Variants in RRP12 observed in about 807,000 individuals in gnomAD.
RRP12 encodes RRP12-like protein.
A neutral mutation model predicts 157.3 loss-of-function variants in RRP12; 78 were observed. That is an observed-to-expected ratio of 0.50 (90% CI 0.41 to 0.60). The LOEUF (loss-of-function observed/expected upper bound fraction) is 0.60. RRP12 is among the 20% of genes least tolerant of loss of function. The pLI is 0.00. For missense variants in RRP12, 1,521 were observed against 1,679.9 expected (o/e 0.91, Z 1.65); for synonymous variants, 726 against 670.9 (o/e 1.08, Z -1.27).
At position 97,372,147 on chromosome 10, in the gene RRP12, C is replaced by T. The variant is rs778139940; in HGVS notation, c.2269G>A (p.Val757Ile). 10 of 1,613,604 alleles carry T rather than the reference C, an allele frequency of 6.2e-6. No homozygotes were observed. The highest frequency in any genetic ancestry group is 6.8e-6 in the Non-Finnish European group (8 of 1,179,854). Reference protein sequence around the residue: ...DFTRLSVLDLVVALAPCADEA... With the variant: ...DFTRLSVLDLIVALAPCADEA... ...TCAGCACACGGAGCCAAGGCCACGA[C>T]CAGGTCCAGGACAGACAATCTGCTC... Residue 757 changes from valine (V) to isoleucine (I), a missense_variant, in exon 20 of 34, where the codon GTC becomes ATC. Val to Ile is a conservative substitution (Grantham distance 29). Coordinates refer to ENST00000370992, the MANE Select transcript of RRP12 (RefSeq NM_015179.4).
chr10:97,393,367 A>G, intron 4 of RRP12: 1 of 514,930 alleles, frequency 1.9e-6, no homozygotes, highest in South Asian at 1.5e-5. Flanking sequence ...TAACAACTTT[A>G]GATCTCACAG....
intron 8 of RRP12, among the ~76,000 whole-genome samples, chr10:97,387,663 G>A (rs148610523): frequency 8.6e-5 from 13 of 151,492 alleles, no homozygotes; most frequent in African/African-American, 2.2e-4. Flanking sequence ...AAACTCGACC[G>A]GGCGCAGTGG....
At chr10:97,372,557 C>A (rs1177066491) in intron 19 of RRP12, among the ~76,000 whole-genome samples, 179 bp downstream of exon 19, 1 of 152,166 alleles carries the variant, frequency 6.6e-6, no homozygotes, top group Non-Finnish European at 1.5e-5. Context: ...CCCTACCAGA[C>A]TAAATGGCCT....
chr10:97,393,061 G>A (rs1212161444), intron 4 of RRP12: 4 of 250,900 alleles, frequency 1.6e-5, no homozygotes, highest in Non-Finnish European at 3.2e-5. Context: ...ATTTTTAGTA[G>A]AGGCGGGGTT....
chr10:97,394,538 C>G (rs1028180031), intron 3 of RRP12, among the ~76,000 whole-genome samples: 2 of 151,988 alleles, frequency 1.3e-5, no homozygotes, highest in African/African-American at 2.4e-5. Context: ...TACAGGCATG[C>G]GCCACAAAGC....
rs765241723 is a variant in RRP12, at chr10:97,358,523, G to A, written c.3791+14C>T. ...CATCCTCCAGCCCCCAGCCTGCCTG[G>A]CACAGCGTCATACCTGCGGTTGAGC... On this transcript the variant is annotated intron_variant, in intron 33 of 33. Transcript: ENST00000370992. 1.2e-6 allele frequency: 2 copies of A among 1,606,104 alleles called. No homozygotes were observed. The highest frequency in any genetic ancestry group is 1.7e-6 in the Non-Finnish European group (2 of 1,172,824).
At chr10:97,373,976 C>G (rs1844234251) in intron 15 of RRP12, 82 bp from the exon 16 acceptor site, 1 of 1,162,258 alleles carries the variant, frequency 8.6e-7, no homozygotes, top group Admixed American at 2.0e-5. Flanking sequence ...ACCAAAAGCC[C>G]AATGATGAGG....
At chr10:97,381,328 T>C (rs1589428838) in intron 12 of RRP12, 58 bp downstream of exon 12, 2 of 1,270,460 alleles carry the variant, frequency 1.6e-6, no homozygotes, top group East Asian at 2.4e-5. Flanking sequence ...ATTCGTATTA[T>C]ATAGAACTTT....
chr10:97,396,090 A>C (rs1394170353), intron 3 of RRP12, 128 bp downstream of exon 3: 1 of 689,256 alleles, frequency 1.5e-6, no homozygotes, highest in Non-Finnish European at 2.7e-6. Context: ...ACCTGAGAAT[A>C]ACTGAAGCAC....
At position 97,379,288 on chromosome 10, in the gene RRP12, C is replaced by A. The variant is rs1274618340; in HGVS notation, c.1798+5G>T. ...AGGTCACACACAGGCAAGGGTCTCT[C>A]CTACCTTTGCTCTTCAGGGTGTTAG... On this transcript the variant is annotated splice_donor_5th_base_variant and intron_variant, in intron 15 of 33. Transcript: ENST00000370992. 6.2e-7 allele frequency: 1 copy of A among 1,613,788 alleles called. No individual in the cohort carries two copies. The highest frequency in any genetic ancestry group is 8.5e-7 in the Non-Finnish European group (1 of 1,179,820).
rs554411514 is a variant in RRP12 at position 97,397,424 on chromosome 10, A to C, written c.370-1123T>G. On this transcript the variant is annotated intron_variant, in intron 2 of 33. Coordinates refer to ENST00000370992, the MANE Select transcript of RRP12 (RefSeq NM_015179.4). Reference sequence around the variant, plus strand: ...TGATCTGCCCGCCTCGGCCTCCCAAAGTGCTAGGATTACAGGCGTGAGCCA... The same window carrying C: ...TGATCTGCCCGCCTCGGCCTCCCAACGTGCTAGGATTACAGGCGTGAGCCA... Among the ~76,000 whole-genome samples the C allele has an allele frequency of 2.0e-5, 3 of 152,216 alleles. No homozygotes were observed. In the East Asian group the frequency reaches 5.8e-4, roughly 29 times the overall value.
At position 97,373,056 on chromosome 10, in the gene RRP12, G is replaced by C; in HGVS notation, c.2171C>G (p.Thr724Ser). Residue 724 changes from threonine to serine, a missense_variant, in exon 18 of 34, where the codon ACT becomes AGT. Transcript: ENST00000370992. ...LETIRTYLTI[T>S]DTQLVNSLLE... ...CCTTCCGTGGCTCACCTGAGTGTCA[G>C]TGATGGTGAGGTAAGTTCTGATGGT... 1.9e-6 allele frequency: 3 copies of C among 1,612,460 alleles called. No homozygotes were observed. Among genetic ancestry groups the C allele is most frequent in the South Asian group, 1.1e-5 (1 of 90,926 alleles).
At chr10:97,372,989 G>A in intron 18 of RRP12, 57 bp downstream of exon 18, 1 of 1,545,670 alleles carries the variant, frequency 6.5e-7, no homozygotes, top group Non-Finnish European at 8.8e-7. Flanking sequence ...CGGCCTCTCT[G>A]ACCCTGCCCA....
At chr10:97,390,340 A>C in intron 6 of RRP12, 83 bp downstream of exon 6, 1 of 1,051,408 alleles carries the variant, frequency 9.5e-7, no homozygotes, top group Non-Finnish European at 1.5e-6. Context: ...CCCCAGTGCC[A>C]CTCAGCTAGC....
rs111806001 is a variant in RRP12, at chr10:97,393,988, C to T, written c.454-228G>A. Among the ~76,000 whole-genome samples, 378 of 152,178 alleles carry T rather than the reference C, an allele frequency of 2.5e-3. 2 individuals carry two copies. In the Middle Eastern group the frequency reaches 0.065, roughly 26 times the overall value. Reference sequence around the variant, plus strand: ...GGATACTAATGCTACATACCTTATACGTTGTTGTGAGGTTTAATTGAATTA... The same window carrying T: ...GGATACTAATGCTACATACCTTATATGTTGTTGTGAGGTTTAATTGAATTA... On this transcript the variant is annotated intron_variant, in intron 3 of 33. Transcript: ENST00000370992.
In RRP12 at chr10:97,375,784, G is replaced by A. The variant is rs369455246; in HGVS notation, c.1799-1890C>T. Among the ~76,000 whole-genome samples, 11 of 152,208 alleles carry A rather than the reference G, an allele frequency of 7.2e-5. No individual in the cohort carries two copies. The East Asian group carries it at 1.9e-3, about 27-fold the overall frequency. On this transcript the variant is annotated intron_variant, in intron 15 of 33. Transcript: ENST00000370992. ...ATATGTGCACATTAATTCCAACAGA[G>A]TAGAAATACAATACTATTTTTACAC...
chr10:97,382,738 C>A (rs1479912479), intron 10 of RRP12, among the ~76,000 whole-genome samples: 1 of 151,330 alleles, frequency 6.6e-6, no homozygotes, highest in East Asian at 1.9e-4. Flanking sequence ...CATATAAGTG[C>A]ACATACAACC....
chr10:97,367,521 G>C, intron 25 of RRP12: 1 of 235,652 alleles, frequency 4.2e-6, no homozygotes, highest in Non-Finnish European at 8.5e-6. Context: ...AGAGGTGGGA[G>C]TTCAGCCCAG....
Position 97,370,979 on chromosome 10 carries a change from C to A in RRP12, c.2446G>T (p.Asp816Tyr). ...GALFVQSHLE[D>Y]LKKTLLDSLR... ...GAGTCCAGCAGTGTCTTCTTCAGGTCCTCCAGGTGGCTCTGCACGAAGAGG... is the reference window on the plus strand; with the variant it reads ...GAGTCCAGCAGTGTCTTCTTCAGGTACTCCAGGTGGCTCTGCACGAAGAGG... The change falls in exon 21 of 34, where the codon GAC becomes TAC. Residue 816 changes from aspartate to tyrosine, a missense_variant. Physicochemically the swap from Asp to Tyr is radical, Grantham distance 160 (BLOSUM62 -3). Transcript: ENST00000370992. The A allele has an allele frequency of 6.2e-7, 1 of 1,614,038 alleles. No homozygotes were observed. The highest frequency in any genetic ancestry group is 1.3e-5 in the African/African-American group (1 of 75,024).
Sources: allele counts gnomAD v4.1 joint callset (sites outside exome capture counted in the v4.1 genomes callset), GRCh38; gene constraint gnomAD v4.1.1; transcripts MANE v1.5; gene names NCBI Gene and HGNC (gene_info 2026-07-23, HGNC 2026-07-21).